Variants in ITGB3BP observed in about 807,000 individuals in gnomAD.
ITGB3BP encodes the protein integrin subunit beta 3 binding protein.
Under a neutral mutation model 29.1 loss-of-function variants are expected in ITGB3BP, and 27 were observed. The ratio of observed to expected loss-of-function variants is 0.93; its 90% confidence interval spans 0.68 to 1.28. The LOEUF (loss-of-function observed/expected upper bound fraction) is 1.28. Ranked by LOEUF, ITGB3BP falls within the 50% of genes most tolerant of loss-of-function variation. ITGB3BP has a pLI of 0.00. For missense variants in ITGB3BP, 192 were observed against 200.2 expected, an observed-to-expected ratio of 0.96 and a Z score of 0.25; for synonymous variants, 61 against 61.4, an observed-to-expected ratio of 0.99 and a Z score of 0.03.
chr1:63,522,424 T>C (rs982679241), intron 1 of ITGB3BP, among the ~76,000 whole-genome samples: 4 of 152,180 alleles, frequency 2.6e-5, no homozygotes, highest in Non-Finnish European at 4.4e-5. Context: ...TACAGGTGTT[T>C]GATATCCACC....
rs980238222 is a variant in ITGB3BP, at chr1:63,454,661, T to G, written c.334-188A>C. 5.9e-5 allele frequency among the ~76,000 whole-genome samples: 9 copies of G among 152,230 alleles called. No homozygotes were observed. The highest frequency in any genetic ancestry group is 6.8e-3 in the Middle Eastern group (2 of 294). On this transcript the variant is annotated intron_variant, in intron 5 of 8. Coordinates refer to ENST00000271002, the MANE Select transcript of ITGB3BP (RefSeq NM_014288.5). The surrounding 1 kb of genome is among the most constrained non-coding windows in gnomAD (Gnocchi z 4.1). ...TGCCTGAAAAAAAACAATTTATAAT[T>G]AACTAAAAAGACTAAATGTAATCTA...
rs181310679 is a variant in ITGB3BP, at chr1:63,483,062, G to C, written c.185-4229C>G. Among the ~76,000 whole-genome samples the C allele has an allele frequency of 1.0e-3, 152 of 152,152 alleles. 3 individuals carry two copies. The highest frequency in any genetic ancestry group is 7.7e-4 in the East Asian group (4 of 5,176). On this transcript the variant is annotated intron_variant, in intron 3 of 8. Transcript: ENST00000271002. The stretch of plus-strand genomic sequence containing the variant: ...TTACATTATTGAATAGAAGGTTATC[G>C]CTGAGAAAATTGAAATCACTTTTTA...
At chr1:63,444,833 C>T (rs1644771811) in intron 8 of ITGB3BP, among the ~76,000 whole-genome samples, 1 of 151,898 alleles carries the variant, frequency 6.6e-6, no homozygotes, top group African/African-American at 2.4e-5. Context: ...GTATCCTGGC[C>T]CTGTTTTAGG....
chr1:63,467,108 C>G (rs1040519382), intron 4 of ITGB3BP, among the ~76,000 whole-genome samples: 1 of 152,124 alleles, frequency 6.6e-6, no homozygotes, highest in Non-Finnish European at 1.5e-5. Context: ...GTCTCTAACT[C>G]CTTGCCTCAA....
chr1:63,526,246 C>T (rs1414824474), upstream of ITGB3BP, among the ~76,000 whole-genome samples: 1 of 151,896 alleles, frequency 6.6e-6, no homozygotes, highest in Non-Finnish European at 1.5e-5. Flanking sequence ...TCTTTTATTG[C>T]TTCTGTCCTT....
intron 4 of ITGB3BP, among the ~76,000 whole-genome samples, chr1:63,471,770 T>C (rs1645201541): frequency 6.6e-6 from 1 of 152,122 alleles, no homozygotes; most frequent in African/African-American, 2.4e-5. Flanking sequence ...ACTTCTTAGA[T>C]TGTGGAATAT....
chr1:63,463,866 T>C (rs1335884158), intron 4 of ITGB3BP, among the ~76,000 whole-genome samples: 1 of 152,128 alleles, frequency 6.6e-6, no homozygotes, highest in Non-Finnish European at 1.5e-5. Context: ...ATTCTCCAAA[T>C]TGATCAATAG....
intron 4 of ITGB3BP, among the ~76,000 whole-genome samples, chr1:63,460,355 A>G (rs957419225): frequency 6.6e-6 from 1 of 152,194 alleles, no homozygotes; most frequent in Admixed American, 6.5e-5. Context: ...TATCTCTTTG[A>G]ATTAGTCTAT....
intron 1 of ITGB3BP, among the ~76,000 whole-genome samples, chr1:63,515,745 G>A (rs941166824): frequency 2.8e-5 from 4 of 140,418 alleles, no homozygotes; most frequent in Non-Finnish European, 6.1e-5. Flanking sequence ...AGAATCACTT[G>A]AACTCGGGAG....
chr1:63,496,450 A>G (rs1471045733), intron 2 of ITGB3BP, among the ~76,000 whole-genome samples: 1 of 152,100 alleles, frequency 6.6e-6, no homozygotes, highest in Non-Finnish European at 1.5e-5. Context: ...CAGCAGGCCA[A>G]CTGAACTTGA....
intron 1 of ITGB3BP, among the ~76,000 whole-genome samples, chr1:63,517,610 A>T (rs1209838410): frequency 6.6e-6 from 1 of 152,076 alleles, no homozygotes; most frequent in Non-Finnish European, 1.5e-5. Context: ...TTGTACACTG[A>T]TTTTGCATCC....
intron 2 of ITGB3BP, among the ~76,000 whole-genome samples, chr1:63,506,423 G>T (rs900623625): frequency 1.3e-5 from 2 of 152,110 alleles, no homozygotes; most frequent in African/African-American, 4.8e-5. Flanking sequence ...AAACCATCAG[G>T]TCTAGTGAGC....
chr1:63,506,403 AC>A (rs1646081495), intron 2 of ITGB3BP, among the ~76,000 whole-genome samples: 1 of 152,040 alleles, frequency 6.6e-6, no homozygotes, highest in Non-Finnish European at 1.5e-5. Context: ...AAAAGTGGAA[AC>A]CCCTGATAAA....
At chr1:63,447,421 A>G in intron 7 of ITGB3BP, 1 of 378,982 alleles carries the variant, frequency 2.6e-6, no homozygotes, top group East Asian at 7.2e-5. Context: ...TATCATACAT[A>G]GATAAGACTT....
chr1:63,505,725 G>C (rs964981276), intron 2 of ITGB3BP, among the ~76,000 whole-genome samples: 1 of 151,948 alleles, frequency 6.6e-6, no homozygotes, highest in African/African-American at 2.4e-5. Flanking sequence ...CTTTGTTCTC[G>C]TTGGTTTCAA....
intron 4 of ITGB3BP, among the ~76,000 whole-genome samples, chr1:63,474,891 A>T (rs944274053): frequency 0.1 from 19 of 188 alleles, no homozygotes; most frequent in South Asian, 0.5. Context: ...ATGATCAATA[A>T]AAAAAAAAAA....
chr1:63,475,432 G>A (rs1348007982), intron 4 of ITGB3BP, among the ~76,000 whole-genome samples: 2 of 152,138 alleles, frequency 1.3e-5, no homozygotes, highest in African/African-American at 4.8e-5. Context: ...TAACATACCT[G>A]TACTTCTAGC....
At chr1:63,517,894 A>G (rs942158310) in intron 1 of ITGB3BP, among the ~76,000 whole-genome samples, 2 of 151,818 alleles carry the variant, frequency 1.3e-5, no homozygotes, top group Admixed American at 1.3e-4. Flanking sequence ...GTTAATTTTC[A>G]TATTTTTTCG....
chr1:63,510,163 C>T (rs1376475398), intron 1 of ITGB3BP: 1 of 539,686 alleles, frequency 1.9e-6, no homozygotes, highest in Non-Finnish European at 3.4e-6. Context: ...GCACTCTAGC[C>T]TGGGCAACGG....
Sources: gnomAD v4.1 joint callset for allele counts (sites outside exome capture counted in the v4.1 genomes callset) on GRCh38, gnomAD v4.1.1 for gene constraint, Gnocchi (gnomAD v3.1) non-coding constraint, MANE v1.5 for transcripts, NCBI Gene and HGNC (gene_info 2026-07-23, HGNC 2026-07-21) for gene names.